Variants in FAM168A observed in about 807,000 individuals in gnomAD.
The protein encoded by FAM168A is protein FAM168A.
Under a neutral mutation model 28.5 loss-of-function variants are expected in FAM168A, and 3 were observed. That is an observed-to-expected ratio of 0.11 (90% confidence interval 0.05 to 0.27). The LOEUF (loss-of-function observed/expected upper bound fraction) is 0.27, where lower values mean the gene tolerates loss of function less well. FAM168A is among the 10% of genes least tolerant of loss of function. The pLI is 1.00. For missense variants in FAM168A, 222 were observed against 311.5 expected, an observed-to-expected ratio of 0.71 and a Z score of 2.16; for synonymous variants, 122 against 124.2, an observed-to-expected ratio of 0.98 and a Z score of 0.12.
intron 1 of FAM168A, among the ~76,000 whole-genome samples, chr11:73,533,948 G>A (rs1943545332): frequency 6.6e-6 from 1 of 152,064 alleles, no homozygotes; most frequent in South Asian, 2.1e-4. Flanking sequence ...ATGAATAAGT[G>A]CCCTAAGGTC....
chr11:73,478,559 C>T (rs1438298225), intron 1 of FAM168A, among the ~76,000 whole-genome samples: 1 of 151,924 alleles, frequency 6.6e-6, no homozygotes, highest in Non-Finnish European at 1.5e-5. Flanking sequence ...TCTGTAAATT[C>T]ACAAAAAAAC....
At chr11:73,409,042 GT>G (rs1236589780) in intron 6 of FAM168A, among the ~76,000 whole-genome samples, 3 of 152,178 alleles carry the variant, frequency 2.0e-5, no homozygotes, top group African/African-American at 7.2e-5. Flanking sequence ...GCCAGAGAAT[GT>G]TTAAACCTAA....
chr11:73,521,448 G>T (rs1428626107), intron 1 of FAM168A, among the ~76,000 whole-genome samples: 1 of 151,920 alleles, frequency 6.6e-6, no homozygotes, highest in East Asian at 1.9e-4. Context: ...GCCCAAGGGT[G>T]GAAGGAGATT....
At chr11:73,414,558 C>T (rs1866667723) in intron 4 of FAM168A, among the ~76,000 whole-genome samples, 1 of 152,128 alleles carries the variant, frequency 6.6e-6, no homozygotes, top group Admixed American at 6.5e-5. Context: ...ACCCCCAGCT[C>T]TGAGACTTAA....
chr11:73,436,363 G>C (rs1489021264), intron 2 of FAM168A, among the ~76,000 whole-genome samples: 3 of 152,124 alleles, frequency 2.0e-5, no homozygotes, highest in Non-Finnish European at 4.4e-5. Context: ...AAAGGCCAGA[G>C]GAAGACAAAC....
At chr11:73,431,382 A>G (rs559575149) in intron 2 of FAM168A, among the ~76,000 whole-genome samples, 1 of 149,532 alleles carries the variant, frequency 6.7e-6, no homozygotes, top group Non-Finnish European at 1.5e-5. Context: ...TGGAAGCAAC[A>G]TTGAAGTTTA....
intron 1 of FAM168A, among the ~76,000 whole-genome samples, chr11:73,474,894 C>G (rs1248488800): frequency 6.6e-6 from 1 of 152,218 alleles, no homozygotes; most frequent in Non-Finnish European, 1.5e-5. Flanking sequence ...GGCTCCCTAT[C>G]TCTCCAGCAG....
chr11:73,533,083 C>G (rs1943533824), intron 1 of FAM168A, among the ~76,000 whole-genome samples: 1 of 152,204 alleles, frequency 6.6e-6, no homozygotes, highest in Non-Finnish European at 1.5e-5. Context: ...TCGAATCAGA[C>G]AACCTGAGAT....
intron 1 of FAM168A, among the ~76,000 whole-genome samples, chr11:73,509,875 AGCTCCCAACTCTGGGAG>A (rs1415216116): frequency 6.6e-6 from 1 of 152,076 alleles, no homozygotes; most frequent in East Asian, 1.9e-4. Context: ...CCTAGTTCAA[AGCTCCCAACTCTGGGAG>A]GCTTTCCCTA....
chr11:73,519,793 T>C (rs943993029), intron 1 of FAM168A, among the ~76,000 whole-genome samples: 10 of 142,446 alleles, frequency 7.0e-5, no homozygotes, highest in East Asian at 3.9e-4. Context: ...TGTGTGTGTG[T>C]GCGTGTGCGT....
intron 4 of FAM168A, 40 bp downstream of exon 4, chr11:73,419,834 C>A: frequency 6.2e-7 from 1 of 1,611,240 alleles, no homozygotes; most frequent in Non-Finnish European, 8.5e-7. Context: ...AAATCAGTCC[C>A]AACCAAGGGG....
intron 1 of FAM168A, among the ~76,000 whole-genome samples, chr11:73,495,011 AAAG>A (rs926184634): frequency 6.6e-6 from 1 of 151,604 alleles, no homozygotes; most frequent in Non-Finnish European, 1.5e-5. Context: ...CTCAAAAAAA[AAAG>A]AAGAAAAAAA....
chr11:73,577,537 C>T (rs1388290918), intron 1 of FAM168A, among the ~76,000 whole-genome samples: 2 of 152,198 alleles, frequency 1.3e-5, no homozygotes, highest in African/African-American at 2.4e-5. Context: ...GTGAGGCAGT[C>T]ATGGGAGGAT....
At chr11:73,415,249 T>C (rs1866677159) in intron 4 of FAM168A, among the ~76,000 whole-genome samples, 1 of 152,204 alleles carries the variant, frequency 6.6e-6, no homozygotes, top group Non-Finnish European at 1.5e-5. Context: ...CCAGACAGTC[T>C]GAGATAGAAG....
intron 2 of FAM168A, among the ~76,000 whole-genome samples, chr11:73,441,662 C>A (rs566263714): frequency 6.6e-6 from 1 of 152,120 alleles, no homozygotes; most frequent in Non-Finnish European, 1.5e-5. Context: ...CTTTTCTTTG[C>A]GGAAAGTTTT....
intron 1 of FAM168A, among the ~76,000 whole-genome samples, chr11:73,468,722 T>C (rs2134576755): frequency 6.6e-6 from 1 of 152,376 alleles, no homozygotes; most frequent in African/African-American, 2.4e-5. Flanking sequence ...TTGCCTAATG[T>C]CAACCTAGGC....
At chr11:73,411,085 T>A (rs1459177562) in intron 5 of FAM168A, among the ~76,000 whole-genome samples, 1 of 152,208 alleles carries the variant, frequency 6.6e-6, no homozygotes, top group Non-Finnish European at 1.5e-5. Context: ...GTCATTCCCC[T>A]CTTTGGGTCT....
chr11:73,492,505 G>A (rs922464101), intron 1 of FAM168A, among the ~76,000 whole-genome samples: 5 of 152,110 alleles, frequency 3.3e-5, no homozygotes, highest in Admixed American at 6.5e-5. Context: ...AGCCGGGCAC[G>A]GTGGCGTGCA....
chr11:73,457,723 CA>C (rs58142151), intron 2 of FAM168A, among the ~76,000 whole-genome samples: 1,927 of 37,296 alleles, frequency 0.052, 6 homozygotes, highest in Non-Finnish European at 0.11. Flanking sequence ...GCCTGGGTGA[CA>C]AAAAAAAAAA....
Sources: allele counts gnomAD v4.1 joint callset (sites outside exome capture counted in the v4.1 genomes callset), GRCh38; gene constraint gnomAD v4.1.1; transcripts MANE v1.5; gene names NCBI Gene and HGNC (gene_info 2026-07-23, HGNC 2026-07-21).